Variants in TRABD2B observed in about 807,000 individuals in gnomAD.
The protein encoded by TRABD2B is metalloprotease TIKI2.
Under a neutral mutation model 40.1 loss-of-function variants are expected in TRABD2B, and 14 were observed. The ratio of observed to expected loss-of-function variants is 0.35; its 90% CI spans 0.23 to 0.55. The LOEUF (loss-of-function observed/expected upper bound fraction) is 0.55, where lower values mean the gene tolerates loss of function less well. Among genes scored for constraint, TRABD2B ranks in the 20% least tolerant of loss-of-function variants. TRABD2B has a pLI of 0.90. For synonymous variants in TRABD2B, 263 were observed against 277.0 expected (o/e 0.95, Z 0.50); for missense variants, 541 against 648.6 (o/e 0.83, Z 1.80).
At chr1:47,778,691 T>C in intron 4 of TRABD2B, 147 bp from the exon 5 acceptor site, 2 of 657,772 alleles carry the variant, frequency 3.0e-6, no homozygotes, top group Non-Finnish European at 5.5e-6. Context: ...CAGTATAGCA[T>C]AGAAGGTAAG....
At chr1:47,834,303 A>C (rs1408840516) in intron 2 of TRABD2B, among the ~76,000 whole-genome samples, 1 of 152,192 alleles carries the variant, frequency 6.6e-6, no homozygotes, top group African/African-American at 2.4e-5. Context: ...CATACAAGAG[A>C]CTAACCAAAA....
intron 2 of TRABD2B, among the ~76,000 whole-genome samples, chr1:47,979,970 G>A (rs1456229218): frequency 1.3e-5 from 2 of 152,100 alleles, no homozygotes; most frequent in Non-Finnish European, 2.9e-5. Flanking sequence ...GGAATGAGTG[G>A]GTGGGCCAAT....
intron 2 of TRABD2B, among the ~76,000 whole-genome samples, chr1:47,953,619 T>C (rs115296062): frequency 0.021 from 3,222 of 152,292 alleles, 68 homozygotes; most frequent in Non-Finnish European, 0.03. Context: ...GACCTTGAGC[T>C]AGTCACTTCA....
chr1:47,873,680 G>A (rs953799878), intron 2 of TRABD2B, among the ~76,000 whole-genome samples: 2 of 152,146 alleles, frequency 1.3e-5, no homozygotes, highest in African/African-American at 4.8e-5. Context: ...CACGTGTCAA[G>A]CCATGCACGG....
At chr1:47,809,795 T>C (rs760602915) in intron 2 of TRABD2B, among the ~76,000 whole-genome samples, 45 of 152,236 alleles carry the variant, frequency 3.0e-4, no homozygotes, top group Non-Finnish European at 6.0e-4. Context: ...AGCTGTGGAC[T>C]GGCTCTGGGC....
chr1:47,879,830 G>A (rs1322684524), intron 2 of TRABD2B, among the ~76,000 whole-genome samples: 1 of 152,234 alleles, frequency 6.6e-6, no homozygotes, highest in African/African-American at 2.4e-5. Context: ...TTGATGCAGT[G>A]TAGGGCTGTT....
rs1036619000 is a variant in TRABD2B at position 47,972,845 on chromosome 1, A to G, written c.666+21189T>C. 2.8e-4 allele frequency among the ~76,000 whole-genome samples: 42 copies of G among 152,114 alleles called. 1 individual carries two copies. Among genetic ancestry groups the G allele is most frequent in the African/African-American group, 9.9e-4 (41 of 41,414 alleles). ...ACTCCCCTCAATGCCCTTCAGATCTACAGTCTGTGTCCATCTCCAGGGAGC... is the reference window on the plus strand; with the variant it reads ...ACTCCCCTCAATGCCCTTCAGATCTGCAGTCTGTGTCCATCTCCAGGGAGC... On this transcript the variant is annotated intron_variant, in intron 2 of 6. Transcript: ENST00000606738.
intron 2 of TRABD2B, among the ~76,000 whole-genome samples, chr1:47,824,102 T>G (rs1645144634): frequency 6.6e-6 from 1 of 152,150 alleles, no homozygotes; most frequent in Non-Finnish European, 1.5e-5. Flanking sequence ...CTGGATTTCC[T>G]CACGGTGAAG....
intron 2 of TRABD2B, among the ~76,000 whole-genome samples, chr1:47,807,235 C>T (rs148915941): frequency 6.6e-6 from 1 of 152,336 alleles, no homozygotes; most frequent in East Asian, 1.9e-4. Context: ...GAAGGGGTTA[C>T]TATGCTGCCT....
chr1:47,910,374 A>G (rs1388647905), intron 2 of TRABD2B, among the ~76,000 whole-genome samples: 2 of 152,222 alleles, frequency 1.3e-5, no homozygotes, highest in Non-Finnish European at 1.5e-5. Flanking sequence ...CTGACTACTC[A>G]GCCAGGATCA....
At chr1:47,839,245 G>A (rs1399806973) in intron 2 of TRABD2B, among the ~76,000 whole-genome samples, 1 of 152,064 alleles carries the variant, frequency 6.6e-6, no homozygotes, top group Non-Finnish European at 1.5e-5. Flanking sequence ...TAAAGGCCAG[G>A]GGCCTGACAC....
At chr1:47,824,081 C>A (rs1006922350) in intron 2 of TRABD2B, among the ~76,000 whole-genome samples, 10 of 152,202 alleles carry the variant, frequency 6.6e-5, no homozygotes, top group African/African-American at 2.4e-4. Flanking sequence ...ATTCTCTCAT[C>A]CTTCCTGAGC....
chr1:47,775,962 G>A (rs115824502), intron 5 of TRABD2B, among the ~76,000 whole-genome samples: 290 of 151,984 alleles, frequency 1.9e-3, no homozygotes, highest in Non-Finnish European at 3.4e-3. Flanking sequence ...GCTTGGTCAG[G>A]GTCTCATTTA....
chr1:47,814,670 G>T (rs1557588296), intron 2 of TRABD2B, among the ~76,000 whole-genome samples: 1 of 152,150 alleles, frequency 6.6e-6, no homozygotes, highest in Non-Finnish European at 1.5e-5. Context: ...CCCCACTTGA[G>T]GGAGCGGTTG....
intron 2 of TRABD2B, among the ~76,000 whole-genome samples, chr1:47,961,606 G>GA (rs1257297547): frequency 6.6e-6 from 1 of 152,166 alleles, no homozygotes; most frequent in Non-Finnish European, 1.5e-5. Flanking sequence ...ACAGACATGT[G>GA]AAAAAATGCT....
At chr1:47,966,070 C>A (rs1051993978) in intron 2 of TRABD2B, among the ~76,000 whole-genome samples, 7 of 152,198 alleles carry the variant, frequency 4.6e-5, no homozygotes, top group Non-Finnish European at 1.0e-4. Context: ...ACAAAAAGGC[C>A]TATTAAGTCC....
intron 2 of TRABD2B, among the ~76,000 whole-genome samples, chr1:47,950,078 G>T (rs1439199732): frequency 6.6e-6 from 1 of 152,116 alleles, no homozygotes; most frequent in African/African-American, 2.4e-5. Flanking sequence ...GAGGTCAGGA[G>T]ATCGAGACCA....
chr1:47,887,610 G>A (rs1016966036), intron 2 of TRABD2B, among the ~76,000 whole-genome samples: 5 of 152,180 alleles, frequency 3.3e-5, no homozygotes, highest in Non-Finnish European at 7.3e-5. Context: ...ACATGACAAA[G>A]CCAATGAACA....
intron 4 of TRABD2B, among the ~76,000 whole-genome samples, chr1:47,788,800 G>A (rs1569937563): frequency 1.3e-5 from 2 of 152,158 alleles, no homozygotes; most frequent in Admixed American, 6.5e-5. Context: ...ATAACCACTG[G>A]TTCTCAGAGT....
Sources: allele counts gnomAD v4.1 joint callset (sites outside exome capture counted in the v4.1 genomes callset), GRCh38; gene constraint gnomAD v4.1.1; transcripts MANE v1.5; gene names NCBI Gene and HGNC (gene_info 2026-07-23, HGNC 2026-07-21).